Variants in STXBP4 observed in about 807,000 individuals in gnomAD.
STXBP4 encodes the protein syntaxin-binding protein 4.
STXBP4 carries 55 observed loss-of-function variants against 76.1 expected under a neutral mutation model. That is an observed-to-expected ratio of 0.72 (90% CI 0.58 to 0.91). The LOEUF is 0.91. Ranked by LOEUF, STXBP4 falls within the 40% of genes least tolerant of loss-of-function variation. The pLI is 0.00. For synonymous variants in STXBP4, 201 were observed against 220.2 expected (o/e 0.91, Z 0.77); for missense variants, 618 against 636.9 (o/e 0.97, Z 0.32).
At chr17:55,107,563 G>A (rs184946493) in intron 16 of STXBP4, among the ~76,000 whole-genome samples, 53 of 151,920 alleles carry the variant, frequency 3.5e-4, no homozygotes, top group East Asian at 1.7e-3. Context: ...GTTTTTCCAC[G>A]TCTTCGTTTG....
the STXBP4 span, among the ~76,000 whole-genome samples, chr17:55,203,727 A>G: frequency 6.6e-6 from 1 of 152,180 alleles, no homozygotes; most frequent in South Asian, 2.1e-4. Context: ...AAGGTGTTCA[A>G]GAAAGGAATG....
chr17:55,075,450 A>G (rs539166912), intron 13 of STXBP4, among the ~76,000 whole-genome samples: 2 of 152,138 alleles, frequency 1.3e-5, no homozygotes, highest in South Asian at 4.2e-4. Flanking sequence ...GGACAGTCCA[A>G]TTGTTTCTGT....
At chr17:55,081,381 T>G (rs1239610779) in intron 16 of STXBP4, among the ~76,000 whole-genome samples, 198 bp downstream of exon 16, 2 of 152,200 alleles carry the variant, frequency 1.3e-5, no homozygotes, top group African/African-American at 4.8e-5. Context: ...AATTAAGATA[T>G]GCCTTTACAT....
chr17:55,001,581 G>C lies in STXBP4; in HGVS notation c.574+698G>C, dbSNP rs374776650. On this transcript the variant is annotated intron_variant, in intron 7 of 17. Coordinates refer to ENST00000376352, the MANE Select transcript of STXBP4 (RefSeq NM_178509.6). ...CTAATTATATATGCCTAATTATAAG[G>C]TAAATTTTTACCTGTATATTTTAAT... 1.1e-4 allele frequency among the ~76,000 whole-genome samples: 16 copies of C among 152,100 alleles called. No individual in the cohort carries two copies. The South Asian group carries it at 3.3e-3, about 32-fold the overall frequency.
chr17:54,991,677 A>G (rs910317199), intron 4 of STXBP4: 9 of 151,392 alleles, frequency 5.9e-5, no homozygotes, highest in Non-Finnish European at 2.9e-5. Context: ...GATTTTGGAG[A>G]GATATCAGAT....
chr17:55,122,366 A>C (rs1211266278), intron 16 of STXBP4, among the ~76,000 whole-genome samples: 1 of 152,212 alleles, frequency 6.6e-6, no homozygotes, highest in East Asian at 1.9e-4. Flanking sequence ...CAAAGAAATT[A>C]GGAGAGTATG....
intron 3 of STXBP4, among the ~76,000 whole-genome samples, 157 bp downstream of exon 3, chr17:54,986,423 A>G (rs138312653): frequency 8.5e-5 from 13 of 152,312 alleles, no homozygotes; most frequent in East Asian, 3.9e-4. Context: ...TTACCTTTCA[A>G]TGTAAATCAG....
rs2080368284 is a variant in STXBP4, at chr17:55,164,818, G to A, written c.*4907G>A. On this transcript the variant is annotated 3_prime_UTR_variant, in exon 18 of 18. Coordinates refer to ENST00000376352, the MANE Select transcript of STXBP4 (RefSeq NM_178509.6). Reference sequence around the variant, plus strand: ...TTGTTTGTTATCTTCCTCAATAGTGGGAGTAATAATGGGAGTCAGCTTCGT... The same window carrying A: ...TTGTTTGTTATCTTCCTCAATAGTGAGAGTAATAATGGGAGTCAGCTTCGT... The A allele has an allele frequency of 6.6e-6, 1 of 152,242 alleles. No homozygotes were observed. Among genetic ancestry groups the A allele is most frequent in the South Asian group, 2.1e-4 (1 of 4,816 alleles). 9.4% of individuals were successfully genotyped at this position (152,242 alleles called of 1,614,324 possible).
chr17:55,100,056 A>C (rs914479559), intron 16 of STXBP4, among the ~76,000 whole-genome samples: 40 of 152,208 alleles, frequency 2.6e-4, no homozygotes, highest in African/African-American at 8.2e-4. Context: ...CATTAGAGTG[A>C]ACCTCAACCA....
chr17:55,139,701 G>A (rs1393853529), intron 16 of STXBP4, among the ~76,000 whole-genome samples: 1 of 152,094 alleles, frequency 6.6e-6, no homozygotes, highest in African/African-American at 2.4e-5. Context: ...GTCACTAAGG[G>A]GCTTTTAGGG....
At chr17:55,204,997 CT>C in the STXBP4 span, among the ~76,000 whole-genome samples, 1 of 152,092 alleles carries the variant, frequency 6.6e-6, no homozygotes, top group Non-Finnish European at 1.5e-5. Flanking sequence ...GTTGTCCACC[CT>C]TTTTAGTAGT....
rs548360488 is a variant in STXBP4 at position 54,985,047 on chromosome 17, C to T, written c.-156-567C>T. 2.0e-5 allele frequency among the ~76,000 whole-genome samples: 3 copies of T among 152,190 alleles called. No homozygotes were observed. In the East Asian group the frequency reaches 5.8e-4, roughly 29 times the overall value. The stretch of plus-strand genomic sequence containing the variant: ...TCTTGGGAGGGAAAGAATATATGTG[C>T]CAAGGTCAAGATGCCATTTTTAACT... On this transcript the variant is annotated intron_variant, in intron 1 of 17. Transcript: ENST00000376352.
intron 1 of STXBP4, among the ~76,000 whole-genome samples, chr17:54,978,383 G>A (rs1030598516): frequency 2.3e-5 from 3 of 133,120 alleles, no homozygotes; most frequent in Non-Finnish European, 5.0e-5. Context: ...TCTTTGCTAT[G>A]AGTCATCTTT....
chr17:55,084,355 G>A (rs1364754508), intron 16 of STXBP4, among the ~76,000 whole-genome samples: 2 of 152,050 alleles, frequency 1.3e-5, no homozygotes, highest in Non-Finnish European at 2.9e-5. Context: ...AAATTTGTTT[G>A]AATTCATTGT....
chr17:54,977,292 A>G (rs2077486704), intron 1 of STXBP4, among the ~76,000 whole-genome samples: 1 of 152,226 alleles, frequency 6.6e-6, no homozygotes, highest in Admixed American at 6.5e-5. Context: ...CGCAGGTTCC[A>G]CATACACAGG....
intron 16 of STXBP4, among the ~76,000 whole-genome samples, chr17:55,102,065 C>T (rs1407258612): frequency 6.6e-6 from 1 of 151,796 alleles, no homozygotes; most frequent in East Asian, 1.9e-4. Context: ...ACAGTTTTAG[C>T]ATTATTTATT....
chr17:55,189,145 G>A, the STXBP4 span, among the ~76,000 whole-genome samples: 2 of 128,794 alleles, frequency 1.6e-5, no homozygotes, highest in Non-Finnish European at 3.2e-5. Context: ...CCTGATGCAA[G>A]GGGGACATAG....
intron 8 of STXBP4, among the ~76,000 whole-genome samples, chr17:55,023,519 G>A (rs1375450625): frequency 1.3e-5 from 2 of 152,142 alleles, no homozygotes; most frequent in Non-Finnish European, 2.9e-5. Context: ...CAAAGGTGTG[G>A]ACTCAGCCAC....
chr17:55,138,726 A>G (rs1266538626), intron 16 of STXBP4, among the ~76,000 whole-genome samples: 7 of 152,156 alleles, frequency 4.6e-5, no homozygotes, highest in Admixed American at 4.6e-4. Flanking sequence ...AAGTATTTAG[A>G]TAATGTTAGT....
Sources: gnomAD v4.1 joint callset for allele counts (sites outside exome capture counted in the v4.1 genomes callset) on GRCh38, gnomAD v4.1.1 for gene constraint, MANE v1.5 for transcripts, NCBI Gene and HGNC (gene_info 2026-07-23, HGNC 2026-07-21) for gene names.